The following DNM3 variants were observed in gnomAD, a reference collection of about 807,000 sequenced individuals.
The protein encoded by DNM3 is dynamin-3.
In DNM3, 47 loss-of-function variants were observed where a neutral mutation model predicts 101.6. The ratio of observed to expected loss-of-function variants is 0.46; its 90% CI spans 0.37 to 0.59. The LOEUF (loss-of-function observed/expected upper bound fraction) is 0.59, where lower values mean the gene tolerates loss of function less well. Among genes scored for constraint, DNM3 ranks in the 20% least tolerant of loss-of-function variants. The pLI is 0.00. For missense variants in DNM3, 849 were observed against 1,085.7 expected (o/e 0.78, Z 3.06); for synonymous variants, 385 against 387.9 (o/e 0.99, Z 0.09).
chr1:172,290,137 A>T (rs1403599375), intron 15 of DNM3: 4 of 375,536 alleles, frequency 1.1e-5, no homozygotes, highest in Non-Finnish European at 1.5e-5. Context: ...ACTATATAAC[A>T]TAAATGCTAG....
chr1:172,224,397 A>G (rs536941596), intron 14 of DNM3, among the ~76,000 whole-genome samples: 1 of 152,292 alleles, frequency 6.6e-6, no homozygotes, highest in Admixed American at 6.5e-5. Context: ...CACCCCACAT[A>G]TGAAAACATA....
At chr1:171,912,639 G>A (rs772627659) in intron 1 of DNM3, among the ~76,000 whole-genome samples, 8 of 152,136 alleles carry the variant, frequency 5.3e-5, no homozygotes, top group South Asian at 2.1e-4. Flanking sequence ...ACACATTAAC[G>A]AAATCAGAAC....
At chr1:172,300,829 T>C (rs1002408964) in intron 15 of DNM3, among the ~76,000 whole-genome samples, 1 of 152,210 alleles carries the variant, frequency 6.6e-6, no homozygotes, top group African/African-American at 2.4e-5. Flanking sequence ...TTTTATGTAG[T>C]AAAATGGAAG....
At chr1:172,010,682 TTGTGTGTG>T (rs59701730) in intron 4 of DNM3, among the ~76,000 whole-genome samples, 1,179 of 112,724 alleles carry the variant, frequency 0.01, 19 homozygotes, top group African/African-American at 0.03. Context: ...TTGGTATGTT[TTGTGTGTG>T]TGTGTGTGTG....
At chr1:172,323,569 G>C (rs1206505816) in intron 17 of DNM3, among the ~76,000 whole-genome samples, 1 of 152,128 alleles carries the variant, frequency 6.6e-6, no homozygotes, top group Non-Finnish European at 1.5e-5. Context: ...GGGTCTAATG[G>C]CTAGTTCAGA....
intron 14 of DNM3, among the ~76,000 whole-genome samples, chr1:172,242,704 A>G (rs970317853): frequency 1.4e-4 from 22 of 152,154 alleles, no homozygotes; most frequent in African/African-American, 5.3e-4. Context: ...TGGCTCCCCA[A>G]ACAACTGGGA....
intron 14 of DNM3, among the ~76,000 whole-genome samples, chr1:172,158,283 G>T (rs910275065): frequency 2.6e-5 from 4 of 151,990 alleles, no homozygotes; most frequent in Non-Finnish European, 5.9e-5. Flanking sequence ...TGATAACTGG[G>T]ACCTGCTTAA....
chr1:172,163,844 T>A (rs1300074709), intron 14 of DNM3, among the ~76,000 whole-genome samples: 2 of 151,624 alleles, frequency 1.3e-5, no homozygotes, highest in Non-Finnish European at 3.0e-5. Flanking sequence ...AATATTTCAT[T>A]ATTTCATATG....
rs752034781 is a variant in DNM3 at position 171,841,739 on chromosome 1, T to C, written c.83T>C (p.Leu28Pro). ...DAFSALGQSC[L>P]LELPQIAVVG... ...TTTTCGGCGCTGGGACAGAGCTGCC[T>C]GCTGGAGCTGCCGCAGATCGCCGTG... Residue 28 changes from leucine (L) to proline (P), a missense_variant, in exon 1 of 21, where the codon CTG (leucine) becomes CCG (proline). Leu to Pro is a moderately conservative substitution (Grantham distance 98). Transcript: ENST00000627582. 6.2e-7 allele frequency: 1 copy of C among 1,610,590 alleles called. No individual in the cohort carries two copies. Among genetic ancestry groups the C allele is most frequent in the Admixed American group, 1.7e-5 (1 of 59,856 alleles).
chr1:172,007,945 T>A (rs1001950448), intron 4 of DNM3, among the ~76,000 whole-genome samples: 20 of 152,156 alleles, frequency 1.3e-4, no homozygotes, highest in African/African-American at 4.8e-4. Flanking sequence ...TGCATTTCCC[T>A]GATAATTATT....
At chr1:172,283,759 CAA>C (rs769812358) in intron 15 of DNM3, among the ~76,000 whole-genome samples, 3,608 of 39,522 alleles carry the variant, frequency 0.091, 56 homozygotes, top group South Asian at 0.15. Flanking sequence ...GACTCCATCT[CAA>C]AAAAAAAAAA....
intron 8 of DNM3, among the ~76,000 whole-genome samples, chr1:172,043,308 T>C (rs538754301): frequency 4.6e-5 from 7 of 152,154 alleles, no homozygotes; most frequent in Admixed American, 3.9e-4. Context: ...AACCTCTGTT[T>C]GTATGGAGAA....
chr1:172,176,140 G>A (rs2059147253), intron 14 of DNM3, among the ~76,000 whole-genome samples: 1 of 151,766 alleles, frequency 6.6e-6, no homozygotes, highest in Non-Finnish European at 1.5e-5. Context: ...GATTATCTAG[G>A]TAAACCCAGT....
At chr1:171,949,570 T>C (rs1010702554) in intron 2 of DNM3, among the ~76,000 whole-genome samples, 1 of 151,906 alleles carries the variant, frequency 6.6e-6, no homozygotes, top group African/African-American at 2.4e-5. Flanking sequence ...CCAGCATGCC[T>C]GGCTAATGAA....
chr1:171,864,765 G>A (rs1262994715), intron 1 of DNM3: 2 of 151,898 alleles, frequency 1.3e-5, no homozygotes, highest in Non-Finnish European at 2.9e-5. Context: ...TTGAATATTT[G>A]TAAATAGTGT....
intron 17 of DNM3, among the ~76,000 whole-genome samples, chr1:172,368,863 C>T (rs1279311375): frequency 1.3e-5 from 2 of 151,434 alleles, no homozygotes; most frequent in Non-Finnish European, 3.0e-5. Context: ...AATTATATAC[C>T]AAAAAATGGA....
intron 2 of DNM3, among the ~76,000 whole-genome samples, chr1:171,983,398 C>CAGTGAGTAATGATG (rs2044975981): frequency 5.9e-5 from 7 of 119,540 alleles, no homozygotes; most frequent in South Asian, 2.7e-4. Flanking sequence ...GTTGAGGCTG[C>CAGTGAGTAATGATG]CTTAAACCTC....
At chr1:172,258,252 C>T (rs539626599) in intron 15 of DNM3, among the ~76,000 whole-genome samples, 31 of 152,028 alleles carry the variant, frequency 2.0e-4, no homozygotes, top group African/African-American at 5.8e-4. Flanking sequence ...CATGGGAGCG[C>T]GTGTGTCTCT....
At chr1:172,355,452 ATAGAT>A (rs2067402726) in intron 17 of DNM3, among the ~76,000 whole-genome samples, 3 of 152,184 alleles carry the variant, frequency 2.0e-5, no homozygotes. Context: ...AATTTTATGA[ATAGAT>A]TAAACAGCTG....
Sources: allele counts gnomAD v4.1 joint callset (sites outside exome capture counted in the v4.1 genomes callset), GRCh38; gene constraint gnomAD v4.1.1; transcripts MANE v1.5; gene names NCBI Gene and HGNC (gene_info 2026-07-23, HGNC 2026-07-21).